The following M6PR variants were observed in gnomAD, a reference collection of about 807,000 sequenced individuals.
M6PR encodes mannose-6-phosphate receptor, cation dependent, also known as cation-dependent mannose-6-phosphate receptor.
In M6PR, 19 loss-of-function variants were observed where a neutral mutation model predicts 33.1. The ratio of observed to expected loss-of-function variants is 0.57; its 90% CI spans 0.40 to 0.84. The LOEUF (loss-of-function observed/expected upper bound fraction) is 0.84. M6PR is among the 40% of genes least tolerant of loss of function. The pLI is 0.00. For missense variants in M6PR, 295 were observed against 336.0 expected, an observed-to-expected ratio of 0.88 and a Z score of 0.95; for synonymous variants, 111 against 123.4, an observed-to-expected ratio of 0.90 and a Z score of 0.67.
At chr12:8,943,243 G>A in intron 5 of M6PR, 162 bp downstream of exon 5, 1 of 907,620 alleles carries the variant, frequency 1.1e-6, no homozygotes, top group Middle Eastern at 2.4e-4. Context: ...TGAGCCCTGT[G>A]TCCTGGCAGA....
Position 8,941,800 on chromosome 12 carries a change from G to C in M6PR, c.*18C>G, listed in dbSNP as rs772087159. The C allele has an allele frequency of 6.2e-7, 1 of 1,613,990 alleles. No homozygotes were observed. Among genetic ancestry groups the C allele is most frequent in the African/African-American group, 1.3e-5 (1 of 75,010 alleles). On this transcript the variant is annotated 3_prime_UTR_variant, in exon 7 of 7. Transcript: ENST00000000412. ...GGTTTGGGGGACTGAGGAAGAGGCT[G>C]GACATATAAAGTGCAATCTACATTG...
rs935201658 is a variant in M6PR at position 8,941,514 on chromosome 12, A to C, written c.*304T>G. The C allele has an allele frequency of 7.7e-6, 2 of 259,850 alleles. No homozygotes were observed. Among genetic ancestry groups the C allele is most frequent in the Non-Finnish European group, 1.5e-5 (2 of 137,328 alleles). 16.1% of individuals were successfully genotyped at this position (259,850 alleles called of 1,614,324 possible). A position where few individuals can be genotyped will look rare whatever the true frequency, so the allele number is the denominator to read the frequency against. The stretch of plus-strand genomic sequence containing the variant: ...AACAAACGGCCAGTGAGCCTGCTAC[A>C]CCATTTTGCCCATATGCCTATTGTA... On this transcript the variant is annotated 3_prime_UTR_variant, in exon 7 of 7. Coordinates refer to ENST00000000412, the MANE Select transcript of M6PR (RefSeq NM_002355.4).
At chr12:8,943,276 T>A (rs1316343545) in intron 5 of M6PR, 129 bp downstream of exon 5, 2 of 1,129,646 alleles carry the variant, frequency 1.8e-6, no homozygotes, top group Non-Finnish European at 2.5e-6. Context: ...CCAGAGGATT[T>A]AAAAAGTTAT....
rs377063084 is a variant in M6PR at position 8,941,807 on chromosome 12, T to C, written c.*11A>G. ...GGGACTGAGGAAGAGGCTGGACATA[T>C]AAAGTGCAATCTACATTGGTAATAA... On this transcript the variant is annotated 3_prime_UTR_variant, in exon 7 of 7. Transcript: ENST00000000412. The C allele has an allele frequency of 1.5e-4, 240 of 1,614,114 alleles. 1 individual carries two copies. The African/African-American group carries it at 2.9e-3, about 20-fold the overall frequency.
intron 3 of M6PR, among the ~76,000 whole-genome samples, chr12:8,944,325 T>C (rs958255203): frequency 4.6e-5 from 7 of 152,202 alleles, no homozygotes; most frequent in African/African-American, 1.7e-4. Context: ...ATATCTAAGA[T>C]TGGAATGCAT....
rs1175216285 is a variant in M6PR, at chr12:8,949,001, G to A, written c.-2+487C>T. Reference sequence around the variant, plus strand: ...CCCAAGAGCGGAAGCTCCCCACAACGAGGAACACAAGATAATCCGTCCATC... The same window carrying A: ...CCCAAGAGCGGAAGCTCCCCACAACAAGGAACACAAGATAATCCGTCCATC... On this transcript the variant is annotated intron_variant, in intron 1 of 6. Transcript: ENST00000000412. This position sits in a 1 kb window ranked among gnomAD's most constrained non-coding sequence, Gnocchi z 5.6. 1.3e-5 allele frequency among the ~76,000 whole-genome samples: 2 copies of A among 152,174 alleles called. No individual in the cohort carries two copies. The highest frequency in any genetic ancestry group is 1.3e-4 in the Admixed American group (2 of 15,284).
chr12:8,942,045 G>T, intron 6 of M6PR, 105 bp from the exon 7 acceptor site: 1 of 1,258,062 alleles, frequency 7.9e-7, no homozygotes, highest in Non-Finnish European at 1.1e-6. Context: ...GTTTTCTATA[G>T]GGATAATGAG....
chr12:8,945,515 G>T lies in M6PR; in HGVS notation c.246C>A (p.Gly82=), dbSNP rs1345834237. The T allele has an allele frequency of 1.2e-6, 2 of 1,614,004 alleles. No homozygotes were observed. The highest frequency in any genetic ancestry group is 2.2e-5 in the East Asian group (1 of 44,878). ...IYIFRVCREA[G]NHTSGAGLVQ... ...CCAGGCCTGCCCCAGAAGTGTGGTT[G>T]CCAGCTTCCCGGCACACCCTGAAGA... is the stretch of plus-strand genomic sequence containing the variant. Residue 82 remains glycine, a synonymous_variant, in exon 3 of 7, where the codon GGC becomes GGA. Coordinates refer to ENST00000000412, the MANE Select transcript of M6PR (RefSeq NM_002355.4).
chr12:8,941,669 A>T lies in M6PR; in HGVS notation c.*149T>A. 1.1e-6 allele frequency: 1 copy of T among 899,830 alleles called. No individual in the cohort carries two copies. The highest frequency in any genetic ancestry group is 1.7e-6 in the Non-Finnish European group (1 of 574,688). 55.7% of individuals were successfully genotyped at this position (899,830 alleles called of 1,614,324 possible). On this transcript the variant is annotated 3_prime_UTR_variant, in exon 7 of 7. Coordinates refer to ENST00000000412, the MANE Select transcript of M6PR (RefSeq NM_002355.4). ...GGAACAAAGGGAAGGCAGTTTTACT[A>T]GTGAGAAGATGCAAATCAAAAGCAA...
rs1361156350 is a variant in M6PR at position 8,942,425 on chromosome 12, G to A, written c.702C>T (p.Asn234=). ...PHLAFWQDLG[N]LVADGCDFVC... is the part of the protein sequence containing the mutation. Reference sequence around the variant, plus strand: ...CTGCCCTGTTACTTACTGCTACCAGGTTGCCAAGATCCTGCCAGAAGGCTA... The same window carrying A: ...CTGCCCTGTTACTTACTGCTACCAGATTGCCAAGATCCTGCCAGAAGGCTA... The change falls in exon 6 of 7, where the codon AAC becomes AAT. Residue 234 remains asparagine, a synonymous_variant. Transcript: ENST00000000412. The A allele has an allele frequency of 6.2e-7, 1 of 1,614,168 alleles. No individual in the cohort carries two copies. Among genetic ancestry groups the A allele is most frequent in the South Asian group, 1.1e-5 (1 of 91,084 alleles).
rs1426286285 is a variant in M6PR at position 8,949,271 on chromosome 12, C to T, written c.-2+217G>A. Among the ~76,000 whole-genome samples the T allele has an allele frequency of 2.0e-5, 3 of 152,022 alleles. No individual in the cohort carries two copies. The highest frequency in any genetic ancestry group is 7.2e-5 in the African/African-American group (3 of 41,404). On this transcript the variant is annotated intron_variant, in intron 1 of 6. Coordinates refer to ENST00000000412, the MANE Select transcript of M6PR (RefSeq NM_002355.4). The surrounding 1 kb of genome is among the most constrained non-coding windows in gnomAD (Gnocchi z 5.6). ...CCCTGCTTTCTAAATATCGTAAATC[C>T]CCTCTCTGGTCTTGGAAGTCCTTTC...
intron 1 of M6PR, among the ~76,000 whole-genome samples, chr12:8,947,210 T>C (rs1434921773): frequency 6.6e-6 from 1 of 152,222 alleles, no homozygotes; most frequent in Admixed American, 6.5e-5. Flanking sequence ...GGTTTGAATA[T>C]TCTTTAAAGT....
intron 1 of M6PR, among the ~76,000 whole-genome samples, chr12:8,948,614 G>A (rs1363757452): frequency 3.3e-5 from 5 of 152,182 alleles, no homozygotes; most frequent in Admixed American, 6.5e-5. Context: ...TGGAAATAAG[G>A]AGCAGGATTT....
In M6PR at chr12:8,943,523, G is replaced by C. The variant is rs1565529678; in HGVS notation, c.466C>G (p.Pro156Ala). The C allele has an allele frequency of 3.7e-6, 6 of 1,614,140 alleles. No individual in the cohort carries two copies. The highest frequency in any genetic ancestry group is 4.2e-6 in the Non-Finnish European group (5 of 1,180,006). ...NRHTLADNFN[P>A]VSEERGKVQD... ...ACTTTGCCACGCTCCTCAGACACAG[G>C]GTTAAAATTGTCCTGATGATGAGAT... Residue 156 changes from proline to alanine, a missense_variant, in exon 5 of 7, where the codon CCT becomes GCT. Physicochemically the swap from Pro to Ala is conservative, Grantham distance 27 (BLOSUM62 -1). Coordinates refer to ENST00000000412, the MANE Select transcript of M6PR (RefSeq NM_002355.4).
intron 3 of M6PR, 66 bp downstream of exon 3, chr12:8,945,352 G>A: frequency 1.3e-6 from 2 of 1,560,332 alleles, no homozygotes; most frequent in Non-Finnish European, 1.8e-6. Flanking sequence ...AAGACATACA[G>A]GATTGTCAGA....
chr12:8,945,950 A>T (rs752634528), intron 2 of M6PR, among the ~76,000 whole-genome samples: 3 of 152,290 alleles, frequency 2.0e-5, no homozygotes, highest in Non-Finnish European at 4.4e-5. Flanking sequence ...ACTTATAATG[A>T]CATGTGTCGG....
At chr12:8,943,976 T>G in intron 3 of M6PR, 66 bp from the exon 4 acceptor site, 6 of 1,021,982 alleles carry the variant, frequency 5.9e-6, no homozygotes, top group Non-Finnish European at 9.3e-6. Context: ...CTGGGTGGTA[T>G]GGCAGAGTGG....
intron 3 of M6PR, among the ~76,000 whole-genome samples, chr12:8,944,590 T>A (rs983223982): frequency 1.3e-5 from 2 of 152,206 alleles, no homozygotes; most frequent in African/African-American, 4.8e-5. Context: ...CTTGTATAAC[T>A]TATTTATCTG....
chr12:8,943,695 T>C lies in M6PR; in HGVS notation c.453+106A>G. ...CAGAGAGAAACTGAGCTCCTAGTTTTCTAATGTCCATCCCAACGTATCGTG... is the reference window on the plus strand; with the variant it reads ...CAGAGAGAAACTGAGCTCCTAGTTTCCTAATGTCCATCCCAACGTATCGTG... On this transcript the variant is annotated intron_variant, in intron 4 of 6. Transcript: ENST00000000412. 8 of 1,331,178 alleles carry C rather than the reference T, an allele frequency of 6.0e-6. No individual in the cohort carries two copies. In the Middle Eastern group the frequency reaches 7.6e-4, roughly 126 times the overall value. 82.5% of individuals were successfully genotyped at this position (1,331,178 alleles called of 1,614,324 possible).
Sources: allele counts gnomAD v4.1 joint callset (sites outside exome capture counted in the v4.1 genomes callset), GRCh38; gene constraint gnomAD v4.1.1; non-coding constraint Gnocchi (gnomAD v3.1); transcripts MANE v1.5; gene names NCBI Gene and HGNC (gene_info 2026-07-23, HGNC 2026-07-21).